The following CCNC variants were observed in gnomAD, a reference collection of about 807,000 sequenced individuals.
CCNC encodes the protein cyclin-C.
A neutral mutation model predicts 50.0 loss-of-function variants in CCNC; 19 were observed. That is an observed-to-expected ratio of 0.38 (90% confidence interval 0.27 to 0.56). The LOEUF (loss-of-function observed/expected upper bound fraction) is 0.56, where lower values mean the gene tolerates loss of function less well. CCNC is among the 20% of genes least tolerant of loss of function. The pLI, the probability that CCNC is intolerant of heterozygous loss-of-function variation, is 0.72. For missense variants in CCNC, 200 were observed against 327.1 expected (o/e 0.61, Z 3.00); for synonymous variants, 93 against 103.7 (o/e 0.90, Z 0.63).
Position 99,545,131 on chromosome 6 carries a change from G to T in CCNC, c.778C>A (p.Pro260Thr). ...MATILSKMPK[P>T]KPPPNSEGEQ... is the part of the protein sequence containing the mutation. ...AAGTACCTGTTTGGAGGTGGTTTTG[G>T]TTTTGGCATCTTACTAAGAATGGTT... The change falls in exon 11 of 12, where the codon CCA becomes ACA. Residue 260 changes from proline to threonine, a missense_variant. Pro to Thr is a conservative substitution (Grantham distance 38). Coordinates refer to ENST00000520429, the MANE Select transcript of CCNC (RefSeq NM_005190.4). 1 of 1,597,932 alleles carries T rather than the reference G, an allele frequency of 6.3e-7. No homozygotes were observed. The highest frequency in any genetic ancestry group is 8.6e-7 in the Non-Finnish European group (1 of 1,165,558).
In CCNC at chr6:99,550,141, T is replaced by TACTTA. The variant is rs548632311; in HGVS notation, c.530+72_530+76dup. ...GGCAATAGTTTAATGACTTTAAAAA[T>TACTTA]ACTTAACTTCATATTTAATTGTCAA... On this transcript the variant is annotated intron_variant, in intron 8 of 11. Coordinates refer to ENST00000520429, the MANE Select transcript of CCNC (RefSeq NM_005190.4). 1.9e-5 allele frequency: 19 copies of TACTTA among 1,019,054 alleles called. No homozygotes were observed. The African/African-American group carries it at 2.6e-4, about 14-fold the overall frequency. 63.1% of individuals were successfully genotyped at this position (1,019,054 alleles called of 1,614,324 possible). A position where few individuals can be genotyped will look rare whatever the true frequency, so the allele number is the denominator to read the frequency against.
intron 5 of CCNC, chr6:99,558,165 A>AT (rs1802619870): frequency 2.9e-6 from 1 of 341,134 alleles, no homozygotes; most frequent in African/African-American, 2.1e-5. Flanking sequence ...TAAGAATGAC[A>AT]TAATAGTCAT....
chr6:99,557,100 C>G (rs938862383), intron 5 of CCNC: 1 of 152,190 alleles, frequency 6.6e-6, no homozygotes, highest in Non-Finnish European at 1.5e-5. Flanking sequence ...TGTTCTTAGA[C>G]TGTCTATCTC....
intron 5 of CCNC, among the ~76,000 whole-genome samples, chr6:99,553,087 T>C (rs1358410736): frequency 2.0e-5 from 3 of 152,134 alleles, no homozygotes; most frequent in African/African-American, 7.2e-5. Flanking sequence ...CACTATGTTT[T>C]CAAAAAGATT....
rs1286495001 is a variant in CCNC, at chr6:99,551,826, TATC to T, written c.402+11_402+13del. The T allele has an allele frequency of 7.3e-7, 1 of 1,362,780 alleles. No individual in the cohort carries two copies. The highest frequency in any genetic ancestry group is 9.9e-7 in the Non-Finnish European group (1 of 1,014,556). The allele number at this position is 1,362,780 out of a possible 1,614,324, so 84.4% of individuals were successfully genotyped here. On this transcript the variant is annotated intron_variant, in intron 6 of 11. Coordinates refer to ENST00000520429, the MANE Select transcript of CCNC (RefSeq NM_005190.4). ...TAGCTTTGATAATTGTTCCATTTTA[TATC>T]ATATACTTACATGATTCATCCTATA...
intron 1 of CCNC, among the ~76,000 whole-genome samples, chr6:99,564,476 T>C (rs1045196485): frequency 2.0e-5 from 3 of 152,224 alleles, no homozygotes; most frequent in Admixed American, 6.5e-5. Context: ...TTTAAATACT[T>C]TGTAACTTAA....
At chr6:99,550,969 A>C in intron 7 of CCNC, 24 bp downstream of exon 7, 1 of 994,962 alleles carries the variant, frequency 1.0e-6, no homozygotes, top group Non-Finnish European at 1.4e-6. Flanking sequence ...GTTTTAATCT[A>C]TTAATCACAG....
At chr6:99,557,458 C>A (rs949005479) in intron 5 of CCNC, 15 of 152,060 alleles carry the variant, frequency 9.9e-5, no homozygotes, top group Admixed American at 9.8e-4. Context: ...GCCCTAACTC[C>A]TAGTACCTCA....
rs1370093364 is a variant in CCNC, at chr6:99,567,137, GAATA to G, written c.32+1355_32+1358del. The G allele has an allele frequency of 6.6e-5, 14 of 211,216 alleles. No individual in the cohort carries two copies. In the East Asian group the frequency reaches 2.0e-3, roughly 30 times the overall value. 13.1% of individuals were successfully genotyped at this position (211,216 alleles called of 1,614,324 possible). On this transcript the variant is annotated intron_variant, in intron 1 of 11. Coordinates refer to ENST00000520429, the MANE Select transcript of CCNC (RefSeq NM_005190.4). ...TGAAAACATATTTTTAGAATGCTAT[GAATA>G]AATGAAAGCATAATGAGAACACTAT...
chr6:99,554,169 T>A (rs2114324003), intron 5 of CCNC, among the ~76,000 whole-genome samples: 1 of 152,262 alleles, frequency 6.6e-6, no homozygotes, highest in East Asian at 1.9e-4. Context: ...GATGTTTTTC[T>A]CATTAGACTA....
chr6:99,560,587 T>G (rs1422837491), intron 4 of CCNC, among the ~76,000 whole-genome samples: 1 of 152,142 alleles, frequency 6.6e-6, no homozygotes, highest in Non-Finnish European at 1.5e-5. Context: ...AATGCAAAGA[T>G]TTCACACCAC....
rs148648238 is a variant in CCNC, at chr6:99,558,620, T to C, written c.295-72A>G. The C allele has an allele frequency of 6.0e-5, 84 of 1,390,008 alleles. No homozygotes were observed. The African/African-American group carries it at 9.4e-4, about 16-fold the overall frequency. 86.1% of individuals were successfully genotyped at this position (1,390,008 alleles called of 1,614,324 possible). ...TATCTGAACTCTATTCAAAACAGGA[T>C]TTCCTTGCTCCTGTTTACAATCTGT... On this transcript the variant is annotated intron_variant, in intron 4 of 11. Coordinates refer to ENST00000520429, the MANE Select transcript of CCNC (RefSeq NM_005190.4).
At chr6:99,568,159 T>C (rs1025303555) in intron 1 of CCNC, 15 of 376,780 alleles carry the variant, frequency 4.0e-5, no homozygotes, top group Middle Eastern at 8.2e-4. Flanking sequence ...AGTCTTGAGC[T>C]GAGTCACACT....
chr6:99,564,523 G>C (rs1436701376), intron 1 of CCNC, among the ~76,000 whole-genome samples: 1 of 151,006 alleles, frequency 6.6e-6, no homozygotes, highest in Non-Finnish European at 1.5e-5. Flanking sequence ...TTTCCCTGTA[G>C]TTTACTTTTG....
At chr6:99,548,545 T>G (rs1802162032) in intron 9 of CCNC, among the ~76,000 whole-genome samples, 1 of 150,934 alleles carries the variant, frequency 6.6e-6, no homozygotes. Flanking sequence ...TGGGGTGCAG[T>G]GGCTCACGCC....
chr6:99,543,300 A>T lies in CCNC; in HGVS notation c.*255T>A. 1 of 317,870 alleles carries T rather than the reference A, an allele frequency of 3.1e-6. No individual in the cohort carries two copies. 19.7% of individuals were successfully genotyped at this position (317,870 alleles called of 1,614,324 possible). A position where few individuals can be genotyped will look rare whatever the true frequency, so the allele number is the denominator to read the frequency against. On this transcript the variant is annotated 3_prime_UTR_variant, in exon 12 of 12. Coordinates refer to ENST00000520429, the MANE Select transcript of CCNC (RefSeq NM_005190.4). The stretch of plus-strand genomic sequence containing the variant: ...ATATTATACTAATCAAAAGCTATTA[A>T]TTTTGAAATGTCTATGTATGTCTGT...
Position 99,561,381 on chromosome 6 carries a change from C to A in CCNC, c.280G>T (p.Ala94Ser). The change falls in exon 4 of 12, where the codon GCA becomes TCA. Residue 94 changes from alanine to serine, a missense_variant. Physicochemically the swap from Ala to Ser is moderately conservative, Grantham distance 99 (BLOSUM62 1). Transcript: ENST00000520429. ...TTGTTTTATACCTCTACTTTGGATG[C>A]CAAAAACACACATGTAGGAGCCATT... ...VLMAPTCVFL[A>S]SKVEEFGVVS... 6.2e-7 allele frequency: 1 copy of A among 1,602,560 alleles called. No individual in the cohort carries two copies. Among genetic ancestry groups the A allele is most frequent in the Non-Finnish European group, 8.5e-7 (1 of 1,173,028 alleles).
At chr6:99,566,799 C>A in intron 1 of CCNC, 1 of 273,904 alleles carries the variant, frequency 3.7e-6, no homozygotes, top group South Asian at 3.4e-5. Context: ...AAAGCAACTG[C>A]CATGCTGATT....
chr6:99,558,298 AAT>A (rs1234447590), intron 5 of CCNC, 197 bp downstream of exon 5: 14 of 636,068 alleles, frequency 2.2e-5, no homozygotes, highest in Non-Finnish European at 3.3e-5. Context: ...CATTAAAAGT[AAT>A]ATCTTTATAT....
Sources: gnomAD v4.1 joint callset for allele counts (sites outside exome capture counted in the v4.1 genomes callset) on GRCh38, gnomAD v4.1.1 for gene constraint, MANE v1.5 for transcripts, NCBI Gene and HGNC (gene_info 2026-07-23, HGNC 2026-07-21) for gene names.